SPMIP2: variants seen among roughly 807,000 people sequenced by gnomAD.
SPMIP2 encodes the protein protein SPMIP2.
the SPMIP2 span, among the ~76,000 whole-genome samples, chr4:158,927,720 AC>A: frequency 6.6e-6 from 1 of 152,194 alleles, no homozygotes; most frequent in African/African-American, 2.4e-5. Flanking sequence ...GCCAGTGGGA[AC>A]CCGGGCTGCG....
chr4:159,014,281 C>G, the SPMIP2 span, among the ~76,000 whole-genome samples: 1 of 152,044 alleles, frequency 6.6e-6, no homozygotes, highest in Admixed American at 6.6e-5. Flanking sequence ...GGTCAAACTC[C>G]GTCTCTACTA....
At chr4:159,004,564 T>C in the SPMIP2 span, among the ~76,000 whole-genome samples, 1 of 152,158 alleles carries the variant, frequency 6.6e-6, no homozygotes, top group African/African-American at 2.4e-5. Context: ...GTGCTGGGAT[T>C]ACAGACATGA....
the SPMIP2 span, among the ~76,000 whole-genome samples, chr4:158,896,252 T>C: frequency 6.6e-6 from 1 of 152,014 alleles, no homozygotes. Context: ...GAGGAGTAGG[T>C]TGGCACATTC....
chr4:158,949,024 C>T, the SPMIP2 span, among the ~76,000 whole-genome samples: 1 of 152,110 alleles, frequency 6.6e-6, no homozygotes, highest in Non-Finnish European at 1.5e-5. Flanking sequence ...TACATTTTAA[C>T]TGATCTCTTA....
At chr4:159,080,851 G>A in the SPMIP2 span, among the ~76,000 whole-genome samples, 3 of 151,902 alleles carry the variant, frequency 2.0e-5, no homozygotes, top group African/African-American at 7.3e-5. Context: ...AGCCTCCTGA[G>A]TAGCTGGGAC....
chr4:158,917,754 C>G, the SPMIP2 span, among the ~76,000 whole-genome samples: 4 of 107,256 alleles, frequency 3.7e-5, no homozygotes, highest in Non-Finnish European at 6.9e-5. Flanking sequence ...GAGACAGATT[C>G]TCTGTCTCCT....
chr4:159,053,181 C>T, the SPMIP2 span, among the ~76,000 whole-genome samples: 1 of 151,614 alleles, frequency 6.6e-6, no homozygotes, highest in East Asian at 1.9e-4. Context: ...TGGTCTCGAT[C>T]TCCTGACCTC....
At chr4:158,949,029 CTCT>C in the SPMIP2 span, among the ~76,000 whole-genome samples, 5 of 152,074 alleles carry the variant, frequency 3.3e-5, no homozygotes, top group Non-Finnish European at 7.4e-5. Context: ...TTTAACTGAT[CTCT>C]TATTTTTTCT....
the SPMIP2 span, among the ~76,000 whole-genome samples, chr4:159,057,792 T>TTTTTTTTTTTTTTAAA: frequency 6.6e-6 from 1 of 152,110 alleles, no homozygotes; most frequent in Non-Finnish European, 1.5e-5. Context: ...AGTACATGAT[T>TTTTTTTTTTTTTTAAA]ATAATTTTTA....
At chr4:158,974,616 G>A in the SPMIP2 span, among the ~76,000 whole-genome samples, 1 of 152,076 alleles carries the variant, frequency 6.6e-6, no homozygotes, top group Non-Finnish European at 1.5e-5. Context: ...CTTCATTCAT[G>A]TCCCTCCAAA....
chr4:159,059,362 GTTTAT>G, the SPMIP2 span, among the ~76,000 whole-genome samples: 8 of 152,166 alleles, frequency 5.3e-5, no homozygotes, highest in Non-Finnish European at 1.0e-4. Flanking sequence ...AGCAGATAGA[GTTTAT>G]TTTATTTAAT....
At chr4:158,921,881 A>ATATT in the SPMIP2 span, among the ~76,000 whole-genome samples, 18 of 126,870 alleles carry the variant, frequency 1.4e-4, no homozygotes, top group African/African-American at 4.2e-4. Flanking sequence ...TTCCTTCTAC[A>ATATT]TACTTTTTTT....
At chr4:159,057,357 GT>G in the SPMIP2 span, among the ~76,000 whole-genome samples, 1 of 152,114 alleles carries the variant, frequency 6.6e-6, no homozygotes, top group African/African-American at 2.4e-5. Context: ...ATTAATCTGA[GT>G]TTTTTTATAA....
chr4:159,020,333 G>A, the SPMIP2 span, among the ~76,000 whole-genome samples: 5 of 152,144 alleles, frequency 3.3e-5, no homozygotes, highest in Admixed American at 6.5e-5. Context: ...TCAGTCATTT[G>A]GTGAGGGTAG....
At chr4:158,960,371 C>T in the SPMIP2 span, 18 of 1,388,244 alleles carry the variant, frequency 1.3e-5, no homozygotes, top group Admixed American at 9.9e-5. Flanking sequence ...ATTAATGTAC[C>T]ATAATTCCAA....
At chr4:159,033,659 C>T in the SPMIP2 span, among the ~76,000 whole-genome samples, 1 of 152,078 alleles carries the variant, frequency 6.6e-6, no homozygotes, top group Admixed American at 6.5e-5. Context: ...CTCTTGTTGA[C>T]AAAGTCCTTC....
chr4:159,029,727 T>C, the SPMIP2 span, among the ~76,000 whole-genome samples: 1 of 152,250 alleles, frequency 6.6e-6, no homozygotes, highest in Non-Finnish European at 1.5e-5. Flanking sequence ...TGCCACACTA[T>C]GCTGTGATGG....
At chr4:158,936,120 C>G in the SPMIP2 span, among the ~76,000 whole-genome samples, 1 of 152,162 alleles carries the variant, frequency 6.6e-6, no homozygotes, top group African/African-American at 2.4e-5. Flanking sequence ...AGAAACAAAC[C>G]TTATATTCTT....
chr4:158,920,609 A>C, the SPMIP2 span, among the ~76,000 whole-genome samples: 1 of 152,006 alleles, frequency 6.6e-6, no homozygotes, highest in Non-Finnish European at 1.5e-5. Flanking sequence ...ATGGGGAAAA[A>C]ACTCCGCCCT....
Sources: gnomAD v4.1 joint callset for allele counts (sites outside exome capture counted in the v4.1 genomes callset) on GRCh38, gnomAD v4.1.1 for gene constraint, MANE v1.5 for transcripts, NCBI Gene and HGNC (gene_info 2026-07-23, HGNC 2026-07-21) for gene names.